The following GMDS variants were observed in gnomAD, a reference collection of about 807,000 sequenced individuals.
GMDS encodes GDP-mannose 4,6 dehydratase.
In GMDS, 20 loss-of-function variants were observed where a neutral mutation model predicts 49.9. The observed-to-expected ratio is 0.40, with a 90% CI of 0.28 to 0.58. The LOEUF is 0.58. Among genes scored for constraint, GMDS ranks in the 20% least tolerant of loss-of-function variants. The pLI is 0.42. For missense variants in GMDS, 362 were observed against 481.4 expected (o/e 0.75, Z 2.32); for synonymous variants, 177 against 178.6 (o/e 0.99, Z 0.07).
At chr6:1,761,811 C>T (rs147625113) in intron 7 of GMDS, among the ~76,000 whole-genome samples, 1 of 152,022 alleles carries the variant, frequency 6.6e-6, no homozygotes, top group Non-Finnish European at 1.5e-5. Flanking sequence ...AGCAAGAGTC[C>T]TTAACATATT....
rs1279037236 is a variant in GMDS at position 2,169,632 on chromosome 6, A to AC, written c.103-44902_103-44901insG. ...AAGCCACCAGGCAGCAAAAAAAAAA[A>AC]AAAACAAAAAAAAAGGCAATATAAT... On this transcript the variant is annotated intron_variant, in intron 1 of 10. Coordinates refer to ENST00000380815, the MANE Select transcript of GMDS (RefSeq NM_001500.4). Among the ~76,000 whole-genome samples, 44 of 152,030 alleles carry AC rather than the reference A, an allele frequency of 2.9e-4. 1 individual carries two copies. The highest frequency in any genetic ancestry group is 1.1e-3 in the African/African-American group (44 of 41,430).
At chr6:1,760,512 A>G (rs1768116666) in intron 7 of GMDS, among the ~76,000 whole-genome samples, 1 of 152,070 alleles carries the variant, frequency 6.6e-6, no homozygotes, top group African/African-American at 2.4e-5. Context: ...GAGGAGGAGT[A>G]CTCAGGGTCC....
intron 8 of GMDS, among the ~76,000 whole-genome samples, chr6:1,734,166 T>C (rs949708708): frequency 6.6e-6 from 1 of 152,204 alleles, no homozygotes; most frequent in Non-Finnish European, 1.5e-5. Flanking sequence ...TTAGCCTCCA[T>C]CCATGCCTAG....
At chr6:1,668,299 G>A (rs1764299120) in intron 9 of GMDS, among the ~76,000 whole-genome samples, 1 of 152,164 alleles carries the variant, frequency 6.6e-6, no homozygotes, top group Admixed American at 6.5e-5. Flanking sequence ...ACAAATAAAT[G>A]TTGAAGATTT....
chr6:1,955,417 T>C (rs1216073686), intron 6 of GMDS, among the ~76,000 whole-genome samples: 1 of 152,222 alleles, frequency 6.6e-6, no homozygotes, highest in Non-Finnish European at 1.5e-5. Flanking sequence ...TAGTAATAGT[T>C]ATTCATAAAA....
intron 1 of GMDS, among the ~76,000 whole-genome samples, chr6:2,126,101 T>A (rs1257894853): frequency 6.6e-6 from 1 of 152,174 alleles, no homozygotes; most frequent in Admixed American, 6.5e-5. Flanking sequence ...AGGGAAAGTA[T>A]GAGAGACATA....
chr6:2,176,005 C>T, intron 1 of GMDS: 2 of 1,534,432 alleles, frequency 1.3e-6, no homozygotes, highest in Non-Finnish European at 1.7e-6. Context: ...CTGGATCACA[C>T]AAAAGTGCCT....
intron 8 of GMDS, among the ~76,000 whole-genome samples, chr6:1,737,371 C>T (rs1032671293): frequency 1.3e-4 from 20 of 152,134 alleles, no homozygotes; most frequent in Admixed American, 1.0e-3. Flanking sequence ...ATCCTACTAT[C>T]ATCTTAATTG....
At chr6:2,146,955 A>G (rs1312539867) in intron 1 of GMDS, among the ~76,000 whole-genome samples, 1 of 152,222 alleles carries the variant, frequency 6.6e-6, no homozygotes, top group Non-Finnish European at 1.5e-5. Context: ...GAGGAAAGTG[A>G]TATTATTCTT....
intron 9 of GMDS, among the ~76,000 whole-genome samples, chr6:1,668,434 G>T (rs1764302461): frequency 6.6e-6 from 1 of 152,202 alleles, no homozygotes; most frequent in Non-Finnish European, 1.5e-5. Context: ...TGGGGGCCAG[G>T]CGCAATGGCT....
At chr6:1,678,376 C>CAAGG (rs1262826690) in intron 9 of GMDS, among the ~76,000 whole-genome samples, 1 of 152,164 alleles carries the variant, frequency 6.6e-6, no homozygotes, top group Non-Finnish European at 1.5e-5. Context: ...GCTGCTGCTC[C>CAAGG]TGGCAAGCTC....
intron 4 of GMDS, among the ~76,000 whole-genome samples, chr6:2,073,892 T>A (rs115846917): frequency 6.6e-6 from 1 of 152,330 alleles, no homozygotes; most frequent in African/African-American, 2.4e-5. Context: ...TATACCACAT[T>A]TTCTTTATAC....
chr6:1,757,515 C>T (rs140198799), intron 7 of GMDS, among the ~76,000 whole-genome samples: 1 of 152,302 alleles, frequency 6.6e-6, no homozygotes, highest in East Asian at 1.9e-4. Context: ...ATGCTCTTGG[C>T]TCCTGACTGT....
intron 4 of GMDS, among the ~76,000 whole-genome samples, chr6:2,032,188 G>GT (rs1769006000): frequency 6.6e-6 from 1 of 152,152 alleles, no homozygotes; most frequent in South Asian, 2.1e-4. Flanking sequence ...ACTGTGAACT[G>GT]TTTTTCTGGT....
In GMDS at chr6:1,827,859, A is replaced by G. The variant is rs541392561; in HGVS notation, c.772-85273T>C. 3.9e-5 allele frequency among the ~76,000 whole-genome samples: 6 copies of G among 152,300 alleles called. No homozygotes were observed. The East Asian group carries it at 1.2e-3, about 29-fold the overall frequency. On this transcript the variant is annotated intron_variant, in intron 7 of 10. Transcript: ENST00000380815. ...TGGATTTCCAAAGTTACCACATTCT[A>G]AGATTCAAATGTCCAGGTTTCAACA...
intron 7 of GMDS, among the ~76,000 whole-genome samples, chr6:1,827,543 C>T (rs1016701558): frequency 2.6e-5 from 4 of 152,172 alleles, no homozygotes; most frequent in East Asian, 1.9e-4. Context: ...TTAGCTTTAA[C>T]GTTTTACATA....
chr6:1,768,770 T>G (rs868146214), intron 7 of GMDS, among the ~76,000 whole-genome samples: 5 of 152,246 alleles, frequency 3.3e-5, no homozygotes, highest in Admixed American at 3.3e-4. Flanking sequence ...TAAGGAATAC[T>G]CAATCTATAT....
intron 7 of GMDS, among the ~76,000 whole-genome samples, chr6:1,894,287 A>G (rs768952554): frequency 2.4e-4 from 37 of 152,202 alleles, no homozygotes; most frequent in Non-Finnish European, 3.8e-4. Flanking sequence ...GGGAATTCCA[A>G]TGGAAGAATG....
chr6:1,904,978 A>G (rs1760683831), intron 7 of GMDS, among the ~76,000 whole-genome samples: 1 of 152,234 alleles, frequency 6.6e-6, no homozygotes, highest in African/African-American at 2.4e-5. Context: ...GAAGAGGGGA[A>G]GCAGAAGAAA....
Sources: allele counts gnomAD v4.1 joint callset (sites outside exome capture counted in the v4.1 genomes callset), GRCh38; gene constraint gnomAD v4.1.1; transcripts MANE v1.5; gene names NCBI Gene and HGNC (gene_info 2026-07-23, HGNC 2026-07-21).